Variants in ARHGEF33 observed in about 807,000 individuals in gnomAD.
ARHGEF33 encodes the protein Rho guanine nucleotide exchange factor 33.
In ARHGEF33, 72 loss-of-function variants were observed where a neutral mutation model predicts 101.9. The ratio of observed to expected loss-of-function variants is 0.71; its 90% CI spans 0.58 to 0.86. The LOEUF (loss-of-function observed/expected upper bound fraction) is 0.86. Among genes scored for constraint, ARHGEF33 ranks in the 40% least tolerant of loss-of-function variants. ARHGEF33 has a pLI of 0.00. For missense variants in ARHGEF33, 1,169 were observed against 1,111.3 expected (o/e 1.05, Z -0.74); for synonymous variants, 499 against 442.5 (o/e 1.13, Z -1.60).
intron 2 of ARHGEF33, among the ~76,000 whole-genome samples, chr2:38,896,685 G>A (rs544130417): frequency 5.3e-4 from 81 of 152,254 alleles, no homozygotes; most frequent in African/African-American, 1.7e-3. Flanking sequence ...GAAGCTAGAT[G>A]TCTGACACAC....
chr2:38,894,369 T>C (rs974186662), intron 1 of ARHGEF33, among the ~76,000 whole-genome samples: 5 of 151,742 alleles, frequency 3.3e-5, no homozygotes, highest in Admixed American at 3.3e-4. Flanking sequence ...TCTGGATAGC[T>C]TCCTAGAACG....
chr2:38,973,479 T>C (rs1032596818), intron 17 of ARHGEF33, among the ~76,000 whole-genome samples: 2 of 152,172 alleles, frequency 1.3e-5, no homozygotes, highest in African/African-American at 4.8e-5. Flanking sequence ...TATCTTACAC[T>C]GACATATACA....
chr2:38,922,969 C>T (rs1308121396), intron 4 of ARHGEF33, among the ~76,000 whole-genome samples: 4 of 152,200 alleles, frequency 2.6e-5, no homozygotes, highest in Admixed American at 6.5e-5. Context: ...GTCCTCCAGA[C>T]GCTTTCCCTG....
In ARHGEF33 at chr2:38,896,607, G is replaced by A. The variant is rs546272413; in HGVS notation, c.-86+758G>A. ...CTATTATGCCCACTTGACAGTTGAG[G>A]GAGCATAGGCTTAGGAAGATTAACT... On this transcript the variant is annotated intron_variant, in intron 2 of 17. Coordinates refer to ENST00000409978, the MANE Select transcript of ARHGEF33 (RefSeq NM_001145451.5). 5.9e-5 allele frequency among the ~76,000 whole-genome samples: 9 copies of A among 152,270 alleles called. No individual in the cohort carries two copies. The South Asian group carries it at 1.9e-3, about 32-fold the overall frequency.
At position 38,962,780 on chromosome 2, in the gene ARHGEF33, C is replaced by T. The variant is rs554048018; in HGVS notation, c.2343+2132C>T. ...CCGTAATCCTAGCACTTTGGGAGGC[C>T]GAGGTGGGCGGATCATGAGGTCAGG... On this transcript the variant is annotated intron_variant, in intron 16 of 17. Coordinates refer to ENST00000409978, the MANE Select transcript of ARHGEF33 (RefSeq NM_001145451.5). 1.6e-4 allele frequency among the ~76,000 whole-genome samples: 21 copies of T among 133,912 alleles called. 1 individual carries two copies. The Admixed American group carries it at 1.9e-3, about 12-fold the overall frequency. 87.9% of individuals were successfully genotyped at this position (133,912 alleles called of 152,430 possible).
rs1196600227 is a variant in ARHGEF33 at position 38,956,925 on chromosome 2, G to A, written c.1248G>A (p.Glu416=). ...ACGTCCTGAAGTTCACAGAGCAGGA[G>A]CACCCTGACTATTATCTACTACTGG... ...LQNVLKFTEQ[E]HPDYYLLLVC... The change falls in exon 14 of 18, where the codon GAG becomes GAA. Residue 416 remains glutamate, a synonymous_variant. Coordinates refer to ENST00000409978, the MANE Select transcript of ARHGEF33 (RefSeq NM_001145451.5). 3.2e-6 allele frequency: 5 copies of A among 1,552,270 alleles called. No individual in the cohort carries two copies. The highest frequency in any genetic ancestry group is 3.9e-5 in the Admixed American group (2 of 50,998).
At chr2:38,903,991 T>G (rs947692433) in intron 2 of ARHGEF33, among the ~76,000 whole-genome samples, 1 of 152,216 alleles carries the variant, frequency 6.6e-6, no homozygotes, top group Admixed American at 6.5e-5. Flanking sequence ...ATATATCCTA[T>G]GTACCAGGGA....
At chr2:38,972,952 C>A (rs781464654) in intron 17 of ARHGEF33, 1 of 152,198 alleles carries the variant, frequency 6.6e-6, no homozygotes, top group Non-Finnish European at 1.5e-5. Context: ...TTTAAGCTAG[C>A]CAAAGGGCCC....
intron 9 of ARHGEF33, among the ~76,000 whole-genome samples, chr2:38,943,643 CT>C (rs1487213943): frequency 1.3e-5 from 2 of 152,218 alleles, no homozygotes; most frequent in Non-Finnish European, 2.9e-5. Flanking sequence ...TATATTGCCC[CT>C]GGTGTCTCCA....
intron 2 of ARHGEF33, among the ~76,000 whole-genome samples, chr2:38,910,875 A>T (rs1240650631): frequency 6.6e-6 from 1 of 152,182 alleles, no homozygotes; most frequent in Non-Finnish European, 1.5e-5. Context: ...ACTTTGAAAT[A>T]CTGTGGCATG....
Position 38,934,109 on chromosome 2 carries a change from A to T in ARHGEF33, c.506-1666A>T, listed in dbSNP as rs75939897. On this transcript the variant is annotated intron_variant, in intron 7 of 17. Transcript: ENST00000409978. Reference sequence around the variant, plus strand: ...TTTTATTATCCGTCTCTTCTTTCTTACTTTGTATTTATTCTACCCACTCAA... The same window carrying T: ...TTTTATTATCCGTCTCTTCTTTCTTTCTTTGTATTTATTCTACCCACTCAA... Among the ~76,000 whole-genome samples, 939 of 152,254 alleles carry T rather than the reference A, an allele frequency of 6.2e-3. 22 individuals are homozygous for T. In the East Asian group the frequency reaches 0.065, roughly 10 times the overall value.
At chr2:38,906,296 A>G (rs560162061) in intron 2 of ARHGEF33, among the ~76,000 whole-genome samples, 2 of 152,132 alleles carry the variant, frequency 1.3e-5, no homozygotes, top group East Asian at 3.8e-4. Context: ...GGGATGGAAC[A>G]CTTCTCTTCT....
At chr2:38,928,582 C>A (rs184252460) in intron 4 of ARHGEF33, among the ~76,000 whole-genome samples, 1 of 152,306 alleles carries the variant, frequency 6.6e-6, no homozygotes, top group African/African-American at 2.4e-5. Context: ...GATTCACATA[C>A]ATGTTTCTTT....
rs944239279 is a variant in ARHGEF33, at chr2:38,919,348, G to C, written c.-85-15G>C. The stretch of plus-strand genomic sequence containing the variant: ...GTTTTACTTGTTATCCCTTACTCTT[G>C]ATTTGAATTGACAGGTGCAGGGAAG... On this transcript the variant is annotated splice_polypyrimidine_tract_variant and intron_variant, in intron 2 of 17. Coordinates refer to ENST00000409978, the MANE Select transcript of ARHGEF33 (RefSeq NM_001145451.5). 4.9e-6 allele frequency: 6 copies of C among 1,217,284 alleles called. No homozygotes were observed. The South Asian group carries it at 7.9e-5, about 16-fold the overall frequency. The allele number at this position is 1,217,284 out of a possible 1,614,324, so 75.4% of individuals were successfully genotyped here.
At chr2:38,892,507 A>G (rs901818334) in intron 1 of ARHGEF33, among the ~76,000 whole-genome samples, 1 of 152,124 alleles carries the variant, frequency 6.6e-6, no homozygotes, top group Non-Finnish European at 1.5e-5. Context: ...GAAAGAAAGG[A>G]TGGTTGTATT....
At chr2:38,960,814 C>T (rs1163224628) in intron 16 of ARHGEF33, among the ~76,000 whole-genome samples, 166 bp downstream of exon 16, 1 of 152,016 alleles carries the variant, frequency 6.6e-6, no homozygotes, top group East Asian at 1.9e-4. Context: ...CAGGGGCAGC[C>T]CCCGCGCCCT....
intron 15 of ARHGEF33, chr2:38,959,216 T>C (rs141886955): frequency 2.6e-5 from 4 of 152,336 alleles, no homozygotes; most frequent in Middle Eastern, 3.4e-3. Context: ...AAATTGGGCA[T>C]ATCGAGTGAC....
intron 9 of ARHGEF33, among the ~76,000 whole-genome samples, chr2:38,940,759 A>T (rs1381096707): frequency 6.6e-6 from 1 of 152,218 alleles, no homozygotes; most frequent in African/African-American, 2.4e-5. Flanking sequence ...GAATAAACGT[A>T]CAGCAAGCTA....
chr2:38,947,341 T>C (rs1667476915), intron 10 of ARHGEF33, among the ~76,000 whole-genome samples: 2 of 152,204 alleles, frequency 1.3e-5, no homozygotes, highest in South Asian at 2.1e-4. Flanking sequence ...CAGGGGCACA[T>C]TGCTGCTGGC....
Sources: gnomAD v4.1 joint callset for allele counts (sites outside exome capture counted in the v4.1 genomes callset) on GRCh38, gnomAD v4.1.1 for gene constraint, MANE v1.5 for transcripts, NCBI Gene and HGNC (gene_info 2026-07-23, HGNC 2026-07-21) for gene names.